Variants in CHRM3 observed in about 807,000 individuals in gnomAD.
CHRM3 encodes muscarinic acetylcholine receptor M3.
A neutral mutation model predicts 41.8 loss-of-function variants in CHRM3; 11 were observed. The ratio of observed to expected loss-of-function variants is 0.26; its 90% CI spans 0.17 to 0.44. The LOEUF (loss-of-function observed/expected upper bound fraction) is 0.44. CHRM3 is among the 20% of genes least tolerant of loss of function. The probability of loss-of-function intolerance (pLI) is 1.00; values close to 1 mark genes in which losing one functional copy is unlikely to be tolerated. For synonymous variants in CHRM3, 297 were observed against 301.4 expected, an observed-to-expected ratio of 0.99 and a Z score of 0.15; for missense variants, 571 against 745.4, an observed-to-expected ratio of 0.77 and a Z score of 2.72.
chr1:239,618,216 C>T (rs1282147070), intron 3 of CHRM3, among the ~76,000 whole-genome samples: 1 of 150,848 alleles, frequency 6.6e-6, no homozygotes, highest in South Asian at 2.1e-4. Context: ...CAGTCTTTAC[C>T]CACCATGCTG....
intron 5 of CHRM3, among the ~76,000 whole-genome samples, chr1:239,776,409 C>G (rs554231517): frequency 1.2e-4 from 19 of 152,198 alleles, no homozygotes; most frequent in African/African-American, 3.9e-4. Flanking sequence ...TTTAAATGGT[C>G]CCAGTGATTA....
chr1:239,608,659 C>T (rs1666641073), intron 3 of CHRM3, among the ~76,000 whole-genome samples: 1 of 152,080 alleles, frequency 6.6e-6, no homozygotes, highest in African/African-American at 2.4e-5. Context: ...ATGACAATGG[C>T]GCTGCCGAGC....
chr1:239,893,481 C>A (rs13375642), intron 6 of CHRM3, among the ~76,000 whole-genome samples: 2,482 of 152,258 alleles, frequency 0.016, 65 homozygotes, highest in African/African-American at 0.056. Flanking sequence ...TACAGTTAGC[C>A]GTGTGACTTG....
At chr1:239,673,813 A>C (rs1174226950) in intron 4 of CHRM3, among the ~76,000 whole-genome samples, 1 of 152,086 alleles carries the variant, frequency 6.6e-6, no homozygotes, top group Non-Finnish European at 1.5e-5. Context: ...CAATTTCTAT[A>C]CCTACATTTT....
At chr1:239,873,634 G>C (rs973951830) in intron 6 of CHRM3, among the ~76,000 whole-genome samples, 2 of 152,016 alleles carry the variant, frequency 1.3e-5, no homozygotes, top group African/African-American at 2.4e-5. Flanking sequence ...ACCTATCACT[G>C]TCTGTTGAAA....
At chr1:239,654,101 A>G (rs1375333702) in intron 4 of CHRM3, among the ~76,000 whole-genome samples, 1 of 152,130 alleles carries the variant, frequency 6.6e-6, no homozygotes, top group East Asian at 1.9e-4. Context: ...AGCTGGGACC[A>G]CAGATGTGAG....
At chr1:239,667,910 T>G (rs908152006) in intron 4 of CHRM3, among the ~76,000 whole-genome samples, 22 of 152,090 alleles carry the variant, frequency 1.4e-4, no homozygotes, top group African/African-American at 5.1e-4. Flanking sequence ...ACAAACCCAT[T>G]TTTCTCCTAC....
chr1:239,639,758 C>T (rs1373227444), intron 4 of CHRM3, among the ~76,000 whole-genome samples: 1 of 150,728 alleles, frequency 6.6e-6, no homozygotes. Context: ...CCTTTATTTC[C>T]TTCTCCTGCC....
chr1:239,585,446 G>A (rs1356749600), intron 3 of CHRM3, among the ~76,000 whole-genome samples: 1 of 152,136 alleles, frequency 6.6e-6, no homozygotes, highest in African/African-American at 2.4e-5. Flanking sequence ...AAGATGTGAT[G>A]CATGAATGGA....
At chr1:239,906,722 A>G (rs773479224) in intron 6 of CHRM3, among the ~76,000 whole-genome samples, 1 of 152,206 alleles carries the variant, frequency 6.6e-6, no homozygotes, top group Non-Finnish European at 1.5e-5. Context: ...GATCTAAAAT[A>G]TCTAAATACT....
At chr1:239,407,743 T>G (rs1252745683) in intron 1 of CHRM3, among the ~76,000 whole-genome samples, 1 of 152,172 alleles carries the variant, frequency 6.6e-6, no homozygotes, top group Non-Finnish European at 1.5e-5. Flanking sequence ...ATTAATGTTA[T>G]TTTTCTATTA....
rs1269622802 is a variant in CHRM3 at position 239,914,999 on chromosome 1, G to C, written c.*5775G>C. The C allele has an allele frequency of 6.0e-6, 1 of 166,986 alleles. No homozygotes were observed. The highest frequency in any genetic ancestry group is 1.9e-4 in the East Asian group (1 of 5,186). The allele number at this position is 166,986 out of a possible 1,614,324, so 10.3% of individuals were successfully genotyped here. ...AAGCCCTTCTTTCTTTTAAATATAGGAACTGTTACCAAGTTTGGTGCAGGC... is the reference window on the plus strand; with the variant it reads ...AAGCCCTTCTTTCTTTTAAATATAGCAACTGTTACCAAGTTTGGTGCAGGC... On this transcript the variant is annotated 3_prime_UTR_variant, in exon 7 of 7. Coordinates refer to ENST00000676153, the MANE Select transcript of CHRM3 (RefSeq NM_001375978.1).
intron 5 of CHRM3, among the ~76,000 whole-genome samples, chr1:239,769,167 G>A (rs1667461300): frequency 6.6e-6 from 1 of 152,126 alleles, no homozygotes; most frequent in Admixed American, 6.5e-5. Context: ...AAGTGGCAGG[G>A]ATATTGACAC....
At chr1:239,531,935 A>T (rs1572622002) in intron 2 of CHRM3, among the ~76,000 whole-genome samples, 1 of 150,648 alleles carries the variant, frequency 6.6e-6, no homozygotes, top group East Asian at 2.0e-4. Context: ...CTGGGATTAC[A>T]GGCTCGAGCC....
At chr1:239,618,589 A>C (rs537321314) in intron 3 of CHRM3, among the ~76,000 whole-genome samples, 67 of 151,992 alleles carry the variant, frequency 4.4e-4, no homozygotes, top group Non-Finnish European at 7.6e-4. Flanking sequence ...TCACGCCTGT[A>C]ATCCCAGCAC....
chr1:239,612,648 T>C (rs780057019), intron 3 of CHRM3, among the ~76,000 whole-genome samples: 2 of 152,222 alleles, frequency 1.3e-5, no homozygotes, highest in Non-Finnish European at 2.9e-5. Context: ...GCTAGTTTTC[T>C]TCTCCAGGCT....
intron 1 of CHRM3, among the ~76,000 whole-genome samples, chr1:239,404,394 AAGAAAGAAAGAAAGAAAAAGAAAGAAAG>A (rs1660312832): frequency 4.5e-4 from 36 of 80,218 alleles, no homozygotes; most frequent in African/African-American, 8.7e-4. Flanking sequence ...GAAAGAAAGA[AAGAAAGAAAGAAAGAAAAAGAAAGAAAG>A]AAAGAAAGAA....
intron 6 of CHRM3, among the ~76,000 whole-genome samples, chr1:239,869,383 A>G (rs900942633): frequency 2.6e-5 from 4 of 152,178 alleles, no homozygotes; most frequent in African/African-American, 9.7e-5. Flanking sequence ...TAATCTCTCC[A>G]TCTGAAAAGA....
In CHRM3 at chr1:239,907,611, G is replaced by T. The variant is rs200690991; in HGVS notation, c.160G>T (p.Gly54Cys). The T allele has an allele frequency of 6.2e-7, 1 of 1,614,120 alleles. No individual in the cohort carries two copies. The highest frequency in any genetic ancestry group is 1.1e-5 in the South Asian group (1 of 91,074). ...RAAGNFSSPDGTTDDPLGGHT... is the reference protein window; with the variant it reads ...RAAGNFSSPDCTTDDPLGGHT... ...AGCTGGCAATTTCTCCTCTCCAGAC[G>T]GTACCACCGATGACCCTCTGGGAGG... The change falls in exon 7 of 7, where the codon GGT (glycine) becomes TGT (cysteine). Residue 54 changes from glycine to cysteine, a missense_variant. Gly to Cys is a radical substitution (Grantham distance 159, BLOSUM62 -3). Transcript: ENST00000676153. This position sits in a 1 kb window ranked among gnomAD's most constrained non-coding sequence, Gnocchi z 5.4.
Sources: allele counts gnomAD v4.1 joint callset (sites outside exome capture counted in the v4.1 genomes callset), GRCh38; gene constraint gnomAD v4.1.1; non-coding constraint Gnocchi (gnomAD v3.1); transcripts MANE v1.5; gene names NCBI Gene and HGNC (gene_info 2026-07-23, HGNC 2026-07-21).